Variants in MTHFD1L observed in about 807,000 individuals in gnomAD.
The protein encoded by MTHFD1L is monofunctional C1-tetrahydrofolate synthase, mitochondrial.
Under a neutral mutation model 119.5 loss-of-function variants are expected in MTHFD1L, and 81 were observed. That is an observed-to-expected ratio of 0.68 (90% CI 0.57 to 0.82). MTHFD1L has a LOEUF of 0.82. Ranked by LOEUF, MTHFD1L falls within the 40% of genes least tolerant of loss-of-function variation. The pLI is 0.00. For missense variants in MTHFD1L, 1,125 were observed against 1,253.4 expected, an observed-to-expected ratio of 0.90 and a Z score of 1.55; for synonymous variants, 430 against 475.2, an observed-to-expected ratio of 0.90 and a Z score of 1.24.
In MTHFD1L at chr6:151,015,640, G is replaced by C. The variant is rs199745523; in HGVS notation, c.2533G>C (p.Val845Leu). ...GKGSVDLARA[V>L]REAASKRSRF... The stretch of plus-strand genomic sequence containing the variant: ...AGGATCGGTGGACTTGGCTCGGGCT[G>C]TGAGAGAGGCTGCGAGTAAAAGAAG... Residue 845 changes from valine (V) to leucine (L), a missense_variant, in exon 24 of 28, where the codon GTG becomes CTG. Around this residue, in one of 3 missense-constraint regions of MTHFD1L, gnomAD observed 1,058 missense variants for 1,151.2 expected, o/e 0.92. Transcript: ENST00000367321. The C allele has an allele frequency of 6.2e-7, 1 of 1,614,154 alleles. No individual in the cohort carries two copies. Among genetic ancestry groups the C allele is most frequent in the Non-Finnish European group, 8.5e-7 (1 of 1,180,014 alleles).
intron 1 of MTHFD1L, among the ~76,000 whole-genome samples, chr6:150,871,410 G>A (rs1049984277): frequency 1.3e-5 from 2 of 148,964 alleles, no homozygotes; most frequent in East Asian, 2.0e-4. Flanking sequence ...TTTACCCACA[G>A]TAGTAGGACT....
At chr6:151,099,476 T>C in intron 27 of MTHFD1L, 1 of 1,133,222 alleles carries the variant, frequency 8.8e-7, no homozygotes, top group Non-Finnish European at 1.3e-6. Context: ...TGCCCTTCTC[T>C]CTTCCTCGGC....
chr6:150,929,893 C>A (rs146936357), intron 11 of MTHFD1L, among the ~76,000 whole-genome samples: 1 of 151,866 alleles, frequency 6.6e-6, no homozygotes, highest in Non-Finnish European at 1.5e-5. Flanking sequence ...AAAAAATAAC[C>A]GTGCTGGTAA....
At chr6:150,904,040 G>T (rs1785492764) in intron 7 of MTHFD1L, among the ~76,000 whole-genome samples, 1 of 152,116 alleles carries the variant, frequency 6.6e-6, no homozygotes, top group Non-Finnish European at 1.5e-5. Context: ...AACCAGGTAG[G>T]ACTGTCATGG....
intron 26 of MTHFD1L, among the ~76,000 whole-genome samples, chr6:151,063,631 A>G (rs1313986029): frequency 6.6e-6 from 1 of 152,238 alleles, no homozygotes; most frequent in Non-Finnish European, 1.5e-5. Context: ...TTAGCCTAGC[A>G]TAGCATGTTT....
intron 18 of MTHFD1L, among the ~76,000 whole-genome samples, chr6:150,963,751 G>GT (rs1250003099): frequency 4.6e-5 from 7 of 152,038 alleles, no homozygotes; most frequent in African/African-American, 1.7e-4. Flanking sequence ...ATAGCGCCCT[G>GT]TTTTCCCCCC....
chr6:150,892,785 CTGT>C (rs1436798537), intron 7 of MTHFD1L, among the ~76,000 whole-genome samples: 1 of 152,178 alleles, frequency 6.6e-6, no homozygotes, highest in Non-Finnish European at 1.5e-5. Flanking sequence ...TGTCACTATT[CTGT>C]TGTTGTATTT....
chr6:151,049,349 A>G (rs1040407796), intron 26 of MTHFD1L, among the ~76,000 whole-genome samples: 9 of 152,080 alleles, frequency 5.9e-5, no homozygotes, highest in East Asian at 5.8e-4. Context: ...AAAATTAGCC[A>G]GGTGTGGTGG....
chr6:150,945,051 C>G (rs190361118), intron 14 of MTHFD1L, among the ~76,000 whole-genome samples: 28 of 152,318 alleles, frequency 1.8e-4, no homozygotes, highest in East Asian at 7.7e-4. Flanking sequence ...AACCACACCC[C>G]CAAAGGGGAC....
At chr6:150,932,203 A>G (rs1267843994) in intron 11 of MTHFD1L, among the ~76,000 whole-genome samples, 1 of 148,486 alleles carries the variant, frequency 6.7e-6, no homozygotes, top group Non-Finnish European at 1.5e-5. Context: ...TCCATTGTCA[A>G]CCCTTTTTTG....
chr6:151,045,964 G>C (rs565497787), intron 26 of MTHFD1L, among the ~76,000 whole-genome samples: 1 of 152,142 alleles, frequency 6.6e-6, no homozygotes, highest in Non-Finnish European at 1.5e-5. Context: ...AGTAACCAGC[G>C]TCGTTCTCAA....
intron 13 of MTHFD1L, among the ~76,000 whole-genome samples, chr6:150,943,841 A>G (rs1258465157): frequency 6.6e-6 from 1 of 152,164 alleles, no homozygotes; most frequent in African/African-American, 2.4e-5. Context: ...AAAATACTCT[A>G]TTTCTCCAAA....
chr6:151,045,248 A>AC lies in MTHFD1L; in HGVS notation c.2847+8138dup, dbSNP rs560005810. 1.5e-3 allele frequency among the ~76,000 whole-genome samples: 234 copies of AC among 151,364 alleles called. 1 individual carries two copies. Among genetic ancestry groups the AC allele is most frequent in the Non-Finnish European group, 2.9e-3 (194 of 67,824 alleles). On this transcript the variant is annotated intron_variant, in intron 26 of 27. Transcript: ENST00000367321. ...GTTACAATGAGACAATTAAACATTC[A>AC]CCCCCCCGCCAAGCTGCACTTGGAG...
chr6:151,003,225 A>C (rs1325444331), intron 20 of MTHFD1L, among the ~76,000 whole-genome samples: 3 of 152,172 alleles, frequency 2.0e-5, no homozygotes, highest in Non-Finnish European at 2.9e-5. Context: ...ACAACAACAA[A>C]AAACACATTA....
intron 20 of MTHFD1L, chr6:150,985,357 C>A (rs947670875): frequency 6.6e-6 from 1 of 152,084 alleles, no homozygotes; most frequent in Non-Finnish European, 1.5e-5. Flanking sequence ...TCTGAGAAAT[C>A]GGAGGGGCTC....
At chr6:150,867,677 G>C (rs1177409823) in intron 1 of MTHFD1L, among the ~76,000 whole-genome samples, 1 of 152,000 alleles carries the variant, frequency 6.6e-6, no homozygotes, top group African/African-American at 2.4e-5. Flanking sequence ...CCGTCTCTTC[G>C]GTGCTATATC....
intron 7 of MTHFD1L, among the ~76,000 whole-genome samples, chr6:150,901,013 CAA>C (rs57036927): frequency 1.5e-4 from 21 of 143,874 alleles, no homozygotes; most frequent in African/African-American, 7.6e-5. Flanking sequence ...AGACTCGTCT[CAA>C]AAAAAAAAAA....
intron 24 of MTHFD1L, among the ~76,000 whole-genome samples, chr6:151,030,446 C>T (rs553514522): frequency 4.1e-4 from 63 of 152,222 alleles, no homozygotes; most frequent in Non-Finnish European, 7.1e-4. Context: ...ACTTGCCCTG[C>T]GGCTTCTTTC....
chr6:151,057,678 TACTC>T (rs2128593866), intron 26 of MTHFD1L, among the ~76,000 whole-genome samples: 1 of 152,098 alleles, frequency 6.6e-6, no homozygotes, highest in East Asian at 1.9e-4. Flanking sequence ...CTGTCAAAAA[TACTC>T]ACACACACAC....
Sources: gnomAD v4.1 joint callset for allele counts (sites outside exome capture counted in the v4.1 genomes callset) on GRCh38, gnomAD v4.1.1 for gene constraint, gnomAD v4.1.1 regional missense constraint, MANE v1.5 for transcripts, NCBI Gene and HGNC (gene_info 2026-07-23, HGNC 2026-07-21) for gene names.